Variants in LARP1B observed in about 807,000 individuals in gnomAD.
LARP1B encodes the protein la-related protein 1B.
In LARP1B, 76 loss-of-function variants were observed where a neutral mutation model predicts 114.2. The ratio of observed to expected loss-of-function variants is 0.67; its 90% CI spans 0.55 to 0.81. LARP1B has a LOEUF of 0.81. LARP1B is among the 30% of genes least tolerant of loss of function. The probability of loss-of-function intolerance (pLI) is 0.00; values close to 1 mark genes in which losing one functional copy is unlikely to be tolerated. For synonymous variants in LARP1B, 345 were observed against 348.0 expected (o/e 0.99, Z 0.10); for missense variants, 1,014 against 1,075.8 (o/e 0.94, Z 0.80).
chr4:128,083,381 C>A (rs1029671373), intron 5 of LARP1B, among the ~76,000 whole-genome samples: 2 of 151,908 alleles, frequency 1.3e-5, no homozygotes, highest in African/African-American at 4.8e-5. Flanking sequence ...CCTCACCTCC[C>A]AGTAGGGGCG....
chr4:128,128,120 AT>A (rs1336645163), intron 11 of LARP1B, among the ~76,000 whole-genome samples: 2 of 152,322 alleles, frequency 1.3e-5, no homozygotes, highest in African/African-American at 2.4e-5. Context: ...TACATCATGT[AT>A]CAAAATTAAC....
intron 11 of LARP1B, among the ~76,000 whole-genome samples, chr4:128,157,755 A>T (rs934689847): frequency 6.6e-6 from 1 of 152,200 alleles, no homozygotes; most frequent in African/African-American, 2.4e-5. Flanking sequence ...AGGTGAATTT[A>T]TGAGATGTAA....
intron 11 of LARP1B, among the ~76,000 whole-genome samples, chr4:128,161,827 T>C (rs1738655084): frequency 6.6e-6 from 1 of 152,170 alleles, no homozygotes; most frequent in Admixed American, 6.5e-5. Flanking sequence ...TGTGTTCATT[T>C]CTTCCTTTTC....
At chr4:128,179,694 G>A (rs564691858) in intron 15 of LARP1B, among the ~76,000 whole-genome samples, 182 bp downstream of exon 15, 1 of 152,254 alleles carries the variant, frequency 6.6e-6, no homozygotes, top group East Asian at 1.9e-4. Flanking sequence ...AAATAATCCA[G>A]TTGGACAGTT....
At chr4:128,075,891 A>G (rs1767642825) in intron 3 of LARP1B, among the ~76,000 whole-genome samples, 1 of 152,160 alleles carries the variant, frequency 6.6e-6, no homozygotes, top group Admixed American at 6.6e-5. Flanking sequence ...TTGTAATCAA[A>G]TTTTTATATT....
chr4:128,206,842 G>A (rs1477387701), intron 18 of LARP1B: 147 of 985,214 alleles, frequency 1.5e-4, no homozygotes, highest in Non-Finnish European at 1.6e-4. Context: ...ACATCAGCAG[G>A]TAAGCTTGGA....
chr4:128,140,192 C>T (rs954019132), intron 11 of LARP1B, among the ~76,000 whole-genome samples: 3 of 152,132 alleles, frequency 2.0e-5, no homozygotes, highest in Non-Finnish European at 2.9e-5. Context: ...TATTGGCTGG[C>T]ACTACCCTGG....
At chr4:128,106,317 G>A (rs139614575) in intron 8 of LARP1B, among the ~76,000 whole-genome samples, 2,006 of 152,176 alleles carry the variant, frequency 0.013, 28 homozygotes, top group South Asian at 0.059. Flanking sequence ...CACCTGGCCC[G>A]GTTAATGTTC....
chr4:128,071,150 C>T (rs966524684), intron 1 of LARP1B, among the ~76,000 whole-genome samples: 31 of 150,316 alleles, frequency 2.1e-4, no homozygotes, highest in African/African-American at 7.3e-4. Flanking sequence ...GGGTTCATGC[C>T]ATTCTCCTGC....
rs544129662 is a variant in LARP1B, at chr4:128,110,676, C to CAAAAAAAAAAAAAA, written c.988+3367_988+3380dup. ...TGGGCGACAGAGCGAGACTCCGTCT[C>CAAAAAAAAAAAAAA]AAAAAAAAAAAAAAAAAGATGCAGC... is the stretch of plus-strand genomic sequence containing the variant. On this transcript the variant is annotated intron_variant, in intron 9 of 19. Transcript: ENST00000326639. 1.4e-3 allele frequency among the ~76,000 whole-genome samples: 44 copies of CAAAAAAAAAAAAAA among 32,430 alleles called. 3 individuals carry two copies. Among genetic ancestry groups the CAAAAAAAAAAAAAA allele is most frequent in the Admixed American group, 2.9e-3 (5 of 1,746 alleles). 21.3% of individuals were successfully genotyped at this position (32,430 alleles called of 152,430 possible).
At chr4:128,083,765 C>T (rs1332741795) in intron 5 of LARP1B, among the ~76,000 whole-genome samples, 15 of 149,412 alleles carry the variant, frequency 1.0e-4, no homozygotes, top group Non-Finnish European at 1.9e-4. Flanking sequence ...AGGCGCCCCT[C>T]ACCTCCTGGA....
intron 15 of LARP1B, among the ~76,000 whole-genome samples, chr4:128,195,762 A>G (rs1753851225): frequency 6.6e-6 from 1 of 152,242 alleles, no homozygotes; most frequent in South Asian, 2.1e-4. Context: ...AACTAGAAAA[A>G]GAAGAGCAAA....
In LARP1B at chr4:128,121,895, C is replaced by T; in HGVS notation, c.1231C>T (p.Leu411Phe). ...CSSEEPEQEE[L>F]DFLFDEEIEQ... ...TTCAGAAGAACCAGAACAAGAAGAA[C>T]TTGATTTTTTGTTTGATGAAGAGAT... Residue 411 changes from leucine (L) to phenylalanine (F), a missense_variant, in exon 11 of 20, where the codon CTT becomes TTT. Physicochemically the swap from Leu to Phe is conservative, Grantham distance 22 (BLOSUM62 0). Transcript: ENST00000326639. 1 of 1,612,602 alleles carries T rather than the reference C, an allele frequency of 6.2e-7. No homozygotes were observed. Among genetic ancestry groups the T allele is most frequent in the Non-Finnish European group, 8.5e-7 (1 of 1,179,662 alleles).
chr4:128,174,613 A>G (rs984674122), intron 12 of LARP1B, among the ~76,000 whole-genome samples: 1 of 152,110 alleles, frequency 6.6e-6, no homozygotes, highest in Non-Finnish European at 1.5e-5. Context: ...ATGTTCAGAT[A>G]CAGATAACAG....
chr4:128,132,026 A>G (rs1204969727), intron 11 of LARP1B, among the ~76,000 whole-genome samples: 1 of 152,228 alleles, frequency 6.6e-6, no homozygotes, highest in East Asian at 1.9e-4. Context: ...ACATAGGGTT[A>G]CCATGTAACC....
chr4:128,145,871 G>A (rs1303701822), intron 11 of LARP1B, among the ~76,000 whole-genome samples: 1 of 152,160 alleles, frequency 6.6e-6, no homozygotes, highest in Non-Finnish European at 1.5e-5. Flanking sequence ...GCTGGTATTG[G>A]TTGCTCCGTC....
intron 7 of LARP1B, among the ~76,000 whole-genome samples, chr4:128,221,206 A>G (rs908644892): frequency 1.3e-5 from 2 of 152,234 alleles, no homozygotes; most frequent in African/African-American, 4.8e-5. Context: ...ATTAGGAAAC[A>G]AATATCATCC....
chr4:128,082,426 C>G lies in LARP1B; in HGVS notation c.358+121C>G, dbSNP rs146297242. On this transcript the variant is annotated intron_variant, in intron 5 of 19. Coordinates refer to ENST00000326639, the MANE Select transcript of LARP1B (RefSeq NM_018078.4). ...GTTGAAGACATCATGTCCCTTTAAC[C>G]CCAAATACCTTCAGGGTATATTTCA... The G allele has an allele frequency of 6.9e-4, 524 of 760,992 alleles. 5 individuals carry two copies. The African/African-American group carries it at 7.9e-3, about 11-fold the overall frequency. 47.1% of individuals were successfully genotyped at this position (760,992 alleles called of 1,614,324 possible).
At chr4:128,096,338 T>C (rs1646618237) in intron 7 of LARP1B, among the ~76,000 whole-genome samples, 1 of 152,136 alleles carries the variant, frequency 6.6e-6, no homozygotes. Context: ...CTTTAACCTT[T>C]CCTATGGTGT....
Sources: allele counts gnomAD v4.1 joint callset (sites outside exome capture counted in the v4.1 genomes callset), GRCh38; gene constraint gnomAD v4.1.1; transcripts MANE v1.5; gene names NCBI Gene and HGNC (gene_info 2026-07-23, HGNC 2026-07-21).